PTPRM: variants seen among roughly 807,000 people sequenced by gnomAD.
PTPRM encodes the protein receptor-type tyrosine-protein phosphatase mu.
In PTPRM, 47 loss-of-function variants were observed where a neutral mutation model predicts 186.7. The ratio of observed to expected loss-of-function variants is 0.25; its 90% CI spans 0.20 to 0.32. The LOEUF is 0.32. Among genes scored for constraint, PTPRM ranks in the 10% least tolerant of loss-of-function variants. The pLI, the probability that PTPRM is intolerant of heterozygous loss-of-function variation, is 1.00. For missense variants in PTPRM, 1,494 were observed against 1,865.0 expected, an observed-to-expected ratio of 0.80 and a Z score of 3.66; for synonymous variants, 668 against 674.9, an observed-to-expected ratio of 0.99 and a Z score of 0.16.
chr18:8,127,418 G>GTTTT lies in PTPRM; in HGVS notation c.2167+12605_2167+12608dup, dbSNP rs10700223. On this transcript the variant is annotated intron_variant, in intron 13 of 32. Coordinates refer to ENST00000580170, the MANE Select transcript of PTPRM (RefSeq NM_001105244.2). ...ACGGCACTCAGAGTCCAGCTGTATT[G>GTTTT]TTTTTTTTTTTTTTTTTGATGGGAT... Among the ~76,000 whole-genome samples, 1,000 of 133,752 alleles carry GTTTT rather than the reference G, an allele frequency of 7.5e-3. 27 individuals are homozygous for GTTTT. Among genetic ancestry groups the GTTTT allele is most frequent in the East Asian group, 0.049 (216 of 4,448 alleles). The allele number at this position is 133,752 out of a possible 152,430, so 87.7% of individuals were successfully genotyped here. A position where few individuals can be genotyped will look rare whatever the true frequency, so the allele number is the denominator to read the frequency against.
chr18:8,030,149 C>A (rs1222507774), intron 7 of PTPRM, among the ~76,000 whole-genome samples: 1 of 152,222 alleles, frequency 6.6e-6, no homozygotes, highest in Non-Finnish European at 1.5e-5. Context: ...ATGCTTTGTA[C>A]AATACAGTGT....
At position 8,368,933 on chromosome 18, in the gene PTPRM, G is replaced by A. The variant is rs73939448; in HGVS notation, c.3055-1957G>A. ...GTTTACAGTCAAACAGTGCAAGAAG[G>A]GCATCATACCAGGGTCAGAACAAGC... is the stretch of plus-strand genomic sequence containing the variant. On this transcript the variant is annotated intron_variant, in intron 23 of 32. Transcript: ENST00000580170. Among the ~76,000 whole-genome samples the A allele has an allele frequency of 3.9e-3, 596 of 152,272 alleles. 4 individuals carry two copies. The highest frequency in any genetic ancestry group is 0.014 in the African/African-American group (564 of 41,540).
intron 32 of PTPRM, among the ~76,000 whole-genome samples, chr18:8,400,769 T>C (rs1347715469): frequency 6.6e-6 from 1 of 152,166 alleles, no homozygotes; most frequent in Non-Finnish European, 1.5e-5. Flanking sequence ...CAAAATGCAA[T>C]GTGGTGTGGG....
At chr18:8,258,257 G>T (rs2147457578) in intron 19 of PTPRM, among the ~76,000 whole-genome samples, 1 of 152,258 alleles carries the variant, frequency 6.6e-6, no homozygotes, top group East Asian at 1.9e-4. Context: ...GCCTCTGGGG[G>T]GAACCTTTGG....
At chr18:7,764,667 T>C (rs1299922930) in intron 1 of PTPRM, among the ~76,000 whole-genome samples, 1 of 152,124 alleles carries the variant, frequency 6.6e-6, no homozygotes, top group Non-Finnish European at 1.5e-5. Context: ...GCCTGAGAAT[T>C]TGCATTTCTG....
At chr18:8,036,299 C>T (rs2086325302) in intron 7 of PTPRM, among the ~76,000 whole-genome samples, 1 of 152,220 alleles carries the variant, frequency 6.6e-6, no homozygotes, top group Admixed American at 6.5e-5. Flanking sequence ...GCATCTACTG[C>T]CCCAAGGCAA....
intron 14 of PTPRM, among the ~76,000 whole-genome samples, chr18:8,174,934 A>G (rs964165608): frequency 3.3e-5 from 5 of 152,318 alleles, no homozygotes; most frequent in Admixed American, 1.3e-4. Context: ...CAATCTGTGC[A>G]CTCTTATCTG....
chr18:7,670,072 G>T (rs2039185419), intron 1 of PTPRM, among the ~76,000 whole-genome samples: 1 of 152,040 alleles, frequency 6.6e-6, no homozygotes, highest in Admixed American at 6.6e-5. Flanking sequence ...ACATTTTCTA[G>T]TAGCCACATT....
At chr18:7,962,969 T>A (rs932609514) in intron 7 of PTPRM, among the ~76,000 whole-genome samples, 5 of 152,258 alleles carry the variant, frequency 3.3e-5, no homozygotes, top group African/African-American at 1.2e-4. Context: ...GAGTGGAGCA[T>A]AATTTATTTT....
chr18:7,950,985 G>T (rs1473949985), intron 6 of PTPRM, among the ~76,000 whole-genome samples: 2 of 152,208 alleles, frequency 1.3e-5, no homozygotes, highest in African/African-American at 2.4e-5. Flanking sequence ...GCACCCCAGT[G>T]AGGCCACCTC....
At chr18:7,953,015 A>AT (rs943315820) in intron 6 of PTPRM, among the ~76,000 whole-genome samples, 1 of 152,176 alleles carries the variant, frequency 6.6e-6, no homozygotes, top group African/African-American at 2.4e-5. Flanking sequence ...AAAAACGAAA[A>AT]TTTAAATGTT....
intron 1 of PTPRM, among the ~76,000 whole-genome samples, chr18:7,759,486 T>C (rs754196040): frequency 1.8e-4 from 27 of 152,236 alleles, no homozygotes; most frequent in Non-Finnish European, 2.9e-5. Context: ...ATATTAAACA[T>C]ATCCCAATGA....
chr18:7,783,115 A>G lies in PTPRM; in HGVS notation c.196+8844A>G, dbSNP rs866315976. ...GAGTTATGTGGAGCCAAGTAATGGAATAAACAGGCTGATCATGACAGATGT... is the reference window on the plus strand; with the variant it reads ...GAGTTATGTGGAGCCAAGTAATGGAGTAAACAGGCTGATCATGACAGATGT... On this transcript the variant is annotated intron_variant, in intron 2 of 32. Transcript: ENST00000580170. Among the ~76,000 whole-genome samples, 3 of 152,216 alleles carry G rather than the reference A, an allele frequency of 2.0e-5. No homozygotes were observed. The South Asian group carries it at 6.2e-4, about 32-fold the overall frequency.
intron 14 of PTPRM, among the ~76,000 whole-genome samples, chr18:8,204,428 A>T (rs7237562): frequency 0.55 from 84,198 of 151,852 alleles, 23,827 homozygotes; most frequent in East Asian, 0.84. Flanking sequence ...GGTTTTATTA[A>T]TGAAATATAA....
intron 14 of PTPRM, among the ~76,000 whole-genome samples, chr18:8,209,321 A>T (rs1277689935): frequency 6.6e-6 from 1 of 152,078 alleles, no homozygotes; most frequent in Non-Finnish European, 1.5e-5. Flanking sequence ...GTAGCAGGAG[A>T]GAGATGGGTG....
intron 11 of PTPRM, among the ~76,000 whole-genome samples, chr18:8,111,463 A>G (rs1319991880): frequency 6.6e-6 from 1 of 152,006 alleles, no homozygotes; most frequent in Non-Finnish European, 1.5e-5. Flanking sequence ...CAAAAACAAA[A>G]TTAGCCGGGT....
chr18:7,677,680 C>G (rs1192992937), intron 1 of PTPRM, among the ~76,000 whole-genome samples: 1 of 152,118 alleles, frequency 6.6e-6, no homozygotes, highest in Non-Finnish European at 1.5e-5. Flanking sequence ...TTCCCTCCTA[C>G]TCACTTATGG....
chr18:7,910,690 A>G (rs1222822110), intron 4 of PTPRM, among the ~76,000 whole-genome samples: 2 of 152,204 alleles, frequency 1.3e-5, no homozygotes, highest in Non-Finnish European at 2.9e-5. Context: ...TTATACTCCT[A>G]TAAAATGAAA....
chr18:7,854,892 G>A (rs1364993458), intron 2 of PTPRM, among the ~76,000 whole-genome samples: 1 of 152,068 alleles, frequency 6.6e-6, no homozygotes, highest in East Asian at 1.9e-4. Context: ...ATCTTTGACA[G>A]ATTTGTTTCC....
Sources: allele counts gnomAD v4.1 joint callset (sites outside exome capture counted in the v4.1 genomes callset), GRCh38; gene constraint gnomAD v4.1.1; transcripts MANE v1.5; gene names NCBI Gene and HGNC (gene_info 2026-07-23, HGNC 2026-07-21).